The following ZNF263 variants were observed in gnomAD, a reference collection of about 807,000 sequenced individuals.
ZNF263 encodes the protein zinc finger protein FPM315.
Under a neutral mutation model 63.1 loss-of-function variants are expected in ZNF263, and 49 were observed. The observed-to-expected ratio is 0.78, with a 90% CI of 0.62 to 0.99. The LOEUF (loss-of-function observed/expected upper bound fraction) is 0.99, where lower values mean the gene tolerates loss of function less well. Among genes scored for constraint, ZNF263 ranks in the 50% least tolerant of loss-of-function variants. The pLI, the probability that ZNF263 is intolerant of heterozygous loss-of-function variation, is 0.00. For missense variants in ZNF263, 872 were observed against 854.8 expected (o/e 1.02, Z -0.25); for synonymous variants, 352 against 324.2 (o/e 1.09, Z -0.92).
chr16:3,290,087 C>A lies in ZNF263; in HGVS notation c.1581C>A (p.Phe527Leu). ...PYKCPECGKS[F>L]SRSSHLVIHE... Reference sequence around the variant, plus strand: ...AGTGTCCCGAGTGTGGGAAAAGTTTCTCTCGGAGTTCACACCTCGTCATTC... The same window carrying A: ...AGTGTCCCGAGTGTGGGAAAAGTTTATCTCGGAGTTCACACCTCGTCATTC... The change falls in exon 6 of 6, where the codon TTC becomes TTA. Residue 527 changes from phenylalanine to leucine, a missense_variant. Physicochemically the swap from Phe to Leu is conservative, Grantham distance 22 (BLOSUM62 0). Coordinates refer to ENST00000219069, the MANE Select transcript of ZNF263 (RefSeq NM_005741.5). 3 of 1,614,178 alleles carry A rather than the reference C, an allele frequency of 1.9e-6. No homozygotes were observed. The highest frequency in any genetic ancestry group is 2.2e-5 in the East Asian group (1 of 44,876).
chr16:3,284,188 G>C lies in ZNF263; in HGVS notation c.370G>C (p.Gly124Arg), dbSNP rs202041463. The C allele has an allele frequency of 3.5e-5, 54 of 1,545,176 alleles. No individual in the cohort carries two copies. Among genetic ancestry groups the C allele is most frequent in the Admixed American group, 2.0e-4 (10 of 50,598 alleles). The change falls in exon 1 of 6, where the codon GGG (glycine) becomes CGG (arginine). Residue 124 changes from glycine (G) to arginine (R), a missense_variant. By Grantham distance (125) the Gly-to-Arg change is moderately radical. Transcript: ENST00000219069. ...TLVEDMQREL[G>R]RLRQQVTNHG... is the part of the protein sequence containing the mutation. ...TGTGGAGGATATGCAGAGAGAGCTT[G>C]GGAGACTGAGACAACAGGTGAGAGA... is the stretch of plus-strand genomic sequence containing the variant.
chr16:3,291,860 G>C (rs973560390), downstream of ZNF263, among the ~76,000 whole-genome samples: 4 of 152,214 alleles, frequency 2.6e-5, no homozygotes, highest in Non-Finnish European at 5.9e-5. Context: ...TGGAAGTTAA[G>C]ATGGTCCCAG....
At chr16:3,296,806 C>T (rs2150777321) in intron 1 of ZNF263, among the ~76,000 whole-genome samples, 1 of 152,178 alleles carries the variant, frequency 6.6e-6, no homozygotes, top group Admixed American at 6.5e-5. Flanking sequence ...AAAATGAGAA[C>T]TCCATTAAAT....
At chr16:3,292,673 C>A (rs1035211048), downstream of ZNF263, among the ~76,000 whole-genome samples, 7 of 152,232 alleles carry the variant, frequency 4.6e-5, no homozygotes, top group African/African-American at 1.7e-4. Context: ...CCACACAGAT[C>A]TTATGATGTG....
At chr16:3,300,754 G>C (rs1959917789) in intron 2 of ZNF263, 3 of 1,377,946 alleles carry the variant, frequency 2.2e-6, no homozygotes, top group East Asian at 5.1e-5. Context: ...GGAGGATAAT[G>C]GACTGAAGGG....
chr16:3,299,205 C>T (rs140133276), intron 2 of ZNF263: 67 of 1,603,032 alleles, frequency 4.2e-5, no homozygotes, highest in Non-Finnish European at 5.5e-5. Flanking sequence ...CAGCAGTCTG[C>T]TTCTCAGCTT....
At position 3,283,666 on chromosome 16, in the gene ZNF263, G is replaced by C; in HGVS notation, c.-153G>C. On this transcript the variant is annotated 5_prime_UTR_variant, in exon 1 of 6. Coordinates refer to ENST00000219069, the MANE Select transcript of ZNF263 (RefSeq NM_005741.5). ...CGACTGAGGCCTAGGCGCCGGAGCC[G>C]GCCGCGCCTGGGCTGGAGCGGGGCT... 1.6e-6 allele frequency: 2 copies of C among 1,255,718 alleles called. No homozygotes were observed. Among genetic ancestry groups the C allele is most frequent in the South Asian group, 5.3e-5 (2 of 38,036 alleles). 77.8% of individuals were successfully genotyped at this position (1,255,718 alleles called of 1,614,324 possible).
At position 3,286,052 on chromosome 16, in the gene ZNF263, G is replaced by C. The variant is rs754607315; in HGVS notation, c.672G>C (p.Met224Ile). Residue 224 changes from methionine (M) to isoleucine (I), a missense_variant, in exon 4 of 6, where the codon ATG (methionine) becomes ATC (isoleucine). Met to Ile is a conservative substitution (Grantham distance 10, BLOSUM62 1). Coordinates refer to ENST00000219069, the MANE Select transcript of ZNF263 (RefSeq NM_005741.5). ...CTGAGAGCTTAGAGGACGTGGCAAT[G>C]TACATCTCCCAGGAGGAGTGGGGGC... Reference protein sequence around the residue: ...QLPESLEDVAMYISQEEWGHQ... With the variant: ...QLPESLEDVAIYISQEEWGHQ... 23 of 1,613,576 alleles carry C rather than the reference G, an allele frequency of 1.4e-5. No homozygotes were observed.
At position 3,290,780 on chromosome 16, in the gene ZNF263, G is replaced by A. The variant is rs1959585707; in HGVS notation, c.*222G>A. On this transcript the variant is annotated 3_prime_UTR_variant, in exon 6 of 6. Transcript: ENST00000219069. ...ATGGCAAGTCTCTGAGGTGACCTCA[G>A]GGTGGAATTCTCTGTTAAGTCCACC... 3.0e-6 allele frequency: 4 copies of A among 1,348,160 alleles called. No homozygotes were observed. Among genetic ancestry groups the A allele is most frequent in the African/African-American group, 2.9e-5 (2 of 68,432 alleles). The allele number at this position is 1,348,160 out of a possible 1,614,324, so 83.5% of individuals were successfully genotyped here. A position where few individuals can be genotyped will look rare whatever the true frequency, so the allele number is the denominator to read the frequency against.
exon 3 of ZNF263, chr16:3,300,956 T>C (rs1959923159): frequency 4.7e-6 from 1 of 214,036 alleles, no homozygotes; most frequent in Non-Finnish European, 1.0e-5. Context: ...CCTGCATACT[T>C]TCCCTAACTC....
chr16:3,300,947 C>G (rs751210127), exon 3 of ZNF263: 1 of 225,198 alleles, frequency 4.4e-6, no homozygotes, highest in Non-Finnish European at 9.4e-6. Context: ...ACAGGAATAC[C>G]TGCATACTTT....
chr16:3,284,142 C>T lies in ZNF263; in HGVS notation c.324C>T (p.Ser108=), dbSNP rs1349434928. ...GGGTGCAGGAGCTGCATCCGGAGAG[C>T]GGCGAAGAAGCGGTGACCCTTGTGG... ...QSRVQELHPE[S]GEEAVTLVED... is the part of the protein sequence containing the mutation. The change falls in exon 1 of 6, where the codon AGC becomes AGT. Residue 108 remains serine (S), a synonymous_variant. Coordinates refer to ENST00000219069, the MANE Select transcript of ZNF263 (RefSeq NM_005741.5). The T allele has an allele frequency of 3.1e-6, 5 of 1,601,388 alleles. No homozygotes were observed. The highest frequency in any genetic ancestry group is 1.7e-5 in the Admixed American group (1 of 58,470).
chr16:3,285,910 T>C lies in ZNF263; in HGVS notation c.643-113T>C, dbSNP rs761963427. 5 of 1,581,678 alleles carry C rather than the reference T, an allele frequency of 3.2e-6. No homozygotes were observed. In the South Asian group the frequency reaches 3.3e-5, roughly 11 times the overall value. ...ACCTCACTTGGAGGCCTGATACCCT[T>C]CTTCCCCCCTGACATGTGCTTGGCA... On this transcript the variant is annotated intron_variant, in intron 3 of 5. Transcript: ENST00000219069.
At chr16:3,296,716 A>G (rs2150777286) in intron 1 of ZNF263, among the ~76,000 whole-genome samples, 1 of 152,350 alleles carries the variant, frequency 6.6e-6, no homozygotes, top group East Asian at 1.9e-4. Context: ...TGAATTTACA[A>G]GGTGAAAATA....
chr16:3,290,887 C>A lies in ZNF263; in HGVS notation c.*329C>A, dbSNP rs1959589906. 6 of 1,054,708 alleles carry A rather than the reference C, an allele frequency of 5.7e-6. 1 individual carries two copies. The highest frequency in any genetic ancestry group is 6.9e-6 in the Non-Finnish European group (6 of 872,100). The allele number at this position is 1,054,708 out of a possible 1,614,324, so 65.3% of individuals were successfully genotyped here. A position where few individuals can be genotyped will look rare whatever the true frequency, so the allele number is the denominator to read the frequency against. ...CACCTGACTGTCCAGTTTACCTTAA[C>A]AAGTTTGGGAATCCATGTGATGTTT... On this transcript the variant is annotated 3_prime_UTR_variant, in exon 6 of 6. Transcript: ENST00000219069.
intron 4 of ZNF263, chr16:3,286,561 C>T (rs188760): frequency 0.2 from 30,294 of 152,944 alleles, 3,654 homozygotes; most frequent in Admixed American, 0.29. Flanking sequence ...TAGGCTCGTC[C>T]CCAAAGACAA....
At chr16:3,287,552 T>G (rs908569409) in intron 4 of ZNF263, among the ~76,000 whole-genome samples, 3 of 152,062 alleles carry the variant, frequency 2.0e-5, no homozygotes, top group African/African-American at 7.3e-5. Context: ...TGCTGTGATG[T>G]CCAAAGTTGA....
intron 2 of ZNF263, chr16:3,300,784 C>T (rs1959918329): frequency 7.4e-6 from 9 of 1,210,304 alleles, no homozygotes; most frequent in Non-Finnish European, 1.0e-5. Context: ...GACTGAAGAG[C>T]TAGTCTAGAG....
intron 5 of ZNF263, 42 bp from the exon 6 acceptor site, chr16:3,289,351 C>CTGTAG: frequency 6.7e-7 from 1 of 1,492,756 alleles, no homozygotes; most frequent in Non-Finnish European, 8.9e-7. Context: ...TTTTCTCCAG[C>CTGTAG]ATAGAAATAA....
Sources: allele counts gnomAD v4.1 joint callset (sites outside exome capture counted in the v4.1 genomes callset), GRCh38; gene constraint gnomAD v4.1.1; transcripts MANE v1.5; gene names NCBI Gene and HGNC (gene_info 2026-07-23, HGNC 2026-07-21).